ABCG5: variants seen among roughly 807,000 people sequenced by gnomAD.
The protein encoded by ABCG5 is ATP binding cassette subfamily G member 5.
A neutral mutation model predicts 64.5 loss-of-function variants in ABCG5; 64 were observed. The observed-to-expected ratio is 0.99, with a 90% confidence interval of 0.81 to 1.22. The LOEUF is 1.22. Ranked by LOEUF, ABCG5 falls within the 50% of genes most tolerant of loss-of-function variation. The pLI, the probability that ABCG5 is intolerant of heterozygous loss-of-function variation, is 0.00. For missense variants in ABCG5, 908 were observed against 829.5 expected (o/e 1.09, Z -1.16); for synonymous variants, 385 against 326.3 (o/e 1.18, Z -1.94).
Position 43,824,173 on chromosome 2 carries a change from G to T in ABCG5, c.1118+46C>A, listed in dbSNP as rs201653460. 6.6e-5 allele frequency: 107 copies of T among 1,613,940 alleles called. No homozygotes were observed. The African/African-American group carries it at 1.1e-3, about 17-fold the overall frequency. On this transcript the variant is annotated intron_variant, in intron 8 of 12. Transcript: ENST00000405322. Reference sequence around the variant, plus strand: ...TTTTCAGAATTGTTATTGGGGGATGGCTAAAGACCTCTAACAGGCATTTCT... The same window carrying T: ...TTTTCAGAATTGTTATTGGGGGATGTCTAAAGACCTCTAACAGGCATTTCT...
chr2:43,813,924 G>A (rs961968168), intron 12 of ABCG5, among the ~76,000 whole-genome samples: 5 of 151,396 alleles, frequency 3.3e-5, no homozygotes, highest in East Asian at 1.9e-4. Context: ...TTGCCACGTC[G>A]GCCAGGCTGG....
chr2:43,809,849 A>G, downstream of ABCG5: 1 of 1,512,976 alleles, frequency 6.6e-7, no homozygotes, highest in Non-Finnish European at 8.8e-7. Flanking sequence ...TTGTGGCAAT[A>G]TGTGAAGAAA....
intron 4 of ABCG5, among the ~76,000 whole-genome samples, chr2:43,828,783 C>T (rs111617668): frequency 0.072 from 10,967 of 152,000 alleles, 472 homozygotes; most frequent in African/African-American, 0.098. Context: ...CTAGCCAACA[C>T]GGTGAAACCC....
At position 43,822,904 on chromosome 2, in the gene ABCG5, C is replaced by G; in HGVS notation, c.1356G>C (p.Glu452Asp). The stretch of plus-strand genomic sequence containing the variant: ...ACTTCTGGTAGAGGCCGTCCTGACT[C>G]TCCTGGTCGCTGACAGCTCGCAGCA... ...FPVLRAVSDQ[E>D]SQDGLYQKWQ... The change falls in exon 10 of 13, where the codon GAG (glutamate) becomes GAC (aspartate). Residue 452 changes from glutamate (E) to aspartate (D), a missense_variant. By Grantham distance (45) the Glu-to-Asp change is conservative. Coordinates refer to ENST00000405322, the MANE Select transcript of ABCG5 (RefSeq NM_022436.3). 6.2e-7 allele frequency: 1 copy of G among 1,614,118 alleles called. No homozygotes were observed. The highest frequency in any genetic ancestry group is 1.1e-5 in the South Asian group (1 of 91,058).
At position 43,838,090 on chromosome 2, in the gene ABCG5, G is replaced by GA; in HGVS notation, c.144-136_144-135insT. ...AGGCTCCTAACGTGTTTCAGTCTCT[G>GA]CGCCCTCCTCTGTAGAACCTGGCAG... On this transcript the variant is annotated intron_variant, in intron 1 of 12. Transcript: ENST00000405322. The surrounding 1 kb of genome is among the most constrained non-coding windows in gnomAD (Gnocchi z 4.2). 1 of 1,222,500 alleles carries GA rather than the reference G, an allele frequency of 8.2e-7. No individual in the cohort carries two copies. Among genetic ancestry groups the GA allele is most frequent in the East Asian group, 2.5e-5 (1 of 39,876 alleles). The allele number at this position is 1,222,500 out of a possible 1,614,324, so 75.7% of individuals were successfully genotyped here. A position where few individuals can be genotyped will look rare whatever the true frequency, so the allele number is the denominator to read the frequency against.
upstream of ABCG5, chr2:43,838,978 G>A (rs1343828672): frequency 2.0e-6 from 3 of 1,464,732 alleles, no homozygotes; most frequent in Admixed American, 5.9e-5. The surrounding 1 kb of genome is among the most constrained non-coding windows in gnomAD (Gnocchi z 4.2). Flanking sequence ...AGGAAACAGA[G>A]TGAAGACACT....
chr2:43,822,687 G>A lies in ABCG5; in HGVS notation c.1463+110C>T, dbSNP rs577706949. 1.6e-5 allele frequency: 25 copies of A among 1,575,056 alleles called. No individual in the cohort carries two copies. The South Asian group carries it at 2.0e-4, about 12-fold the overall frequency. Reference sequence around the variant, plus strand: ...TGCACTAGACACTGATGGGCAAAGTGTAGATCCTCCAGAGCAGAGAACTTC... The same window carrying A: ...TGCACTAGACACTGATGGGCAAAGTATAGATCCTCCAGAGCAGAGAACTTC... On this transcript the variant is annotated intron_variant, in intron 10 of 12. Transcript: ENST00000405322.
rs397781046 is a variant in ABCG5 at position 43,822,477 on chromosome 2, G to GC, written c.1463+319_1463+320insG. The stretch of plus-strand genomic sequence containing the variant: ...TCAGGCTGCTTTCTCCCCTCCCCCA[G>GC]GCCCCCCCCCATGCACCTGGGTCCT... On this transcript the variant is annotated intron_variant, in intron 10 of 12. Transcript: ENST00000405322. 5.1e-3 allele frequency: 1,769 copies of GC among 349,218 alleles called. 33 individuals are homozygous for GC. Among genetic ancestry groups the GC allele is most frequent in the East Asian group, 0.033 (150 of 4,516 alleles). The allele number at this position is 349,218 out of a possible 1,614,324, so 21.6% of individuals were successfully genotyped here. A position where few individuals can be genotyped will look rare whatever the true frequency, so the allele number is the denominator to read the frequency against.
Position 43,837,766 on chromosome 2 carries a change from A to G in ABCG5, c.265+68T>C, listed in dbSNP as rs563298780. On this transcript the variant is annotated intron_variant, in intron 2 of 12. Coordinates refer to ENST00000405322, the MANE Select transcript of ABCG5 (RefSeq NM_022436.3). Reference sequence around the variant, plus strand: ...CCTGTGGCTTTCTTGTTACAACTTAATCTGTTTCTTCAATGTGGAGTTTAA... The same window carrying G: ...CCTGTGGCTTTCTTGTTACAACTTAGTCTGTTTCTTCAATGTGGAGTTTAA... The G allele has an allele frequency of 3.7e-6, 6 of 1,604,904 alleles. No homozygotes were observed. In the African/African-American group the frequency reaches 6.7e-5, roughly 18 times the overall value.
intron 9 of ABCG5, 72 bp from the exon 10 acceptor site, chr2:43,823,007 G>A: frequency 6.3e-7 from 1 of 1,586,058 alleles, no homozygotes; most frequent in South Asian, 1.1e-5. Context: ...AGCCCAAGCT[G>A]AATGTGAGGT....
chr2:43,824,084 C>A lies in ABCG5; in HGVS notation c.1153G>T (p.Ala385Ser). 1 of 1,614,222 alleles carries A rather than the reference C, an allele frequency of 6.2e-7. No individual in the cohort carries two copies. The highest frequency in any genetic ancestry group is 8.5e-7 in the Non-Finnish European group (1 of 1,180,040). ...VTRNLVRNKL[A>S]VITRLLQNLI... The stretch of plus-strand genomic sequence containing the variant: ...TTCTGAAGGAGACGCGTAATCACTG[C>A]CAGCTTATTTCTCACCAAGTTTCTT... The change falls in exon 9 of 13, where the codon GCA (alanine) becomes TCA (serine). Residue 385 changes from alanine to serine, a missense_variant. Transcript: ENST00000405322.
At chr2:43,823,789 C>T (rs1381429485) in intron 9 of ABCG5, 124 bp downstream of exon 9, 2 of 1,134,602 alleles carry the variant, frequency 1.8e-6, no homozygotes, top group Non-Finnish European at 2.5e-6. Flanking sequence ...AGAGAGGGAA[C>T]CTGGAGAGGG....
chr2:43,814,629 T>C (rs762852222), intron 11 of ABCG5, 40 bp from the exon 12 acceptor site: 2 of 1,181,794 alleles, frequency 1.7e-6, no homozygotes, highest in Middle Eastern at 2.2e-4. Flanking sequence ...CAGTAGGCTC[T>C]GGCAATAGTC....
At chr2:43,825,097 C>G (rs937763067) in intron 6 of ABCG5, 79 bp from the exon 7 acceptor site, 4 of 1,557,924 alleles carry the variant, frequency 2.6e-6, no homozygotes. Flanking sequence ...AACACTGATG[C>G]AGGGCCAAGG....
At chr2:43,815,299 ATTCT>A (rs1666745916) in intron 11 of ABCG5, among the ~76,000 whole-genome samples, 1 of 152,212 alleles carries the variant, frequency 6.6e-6, no homozygotes, top group African/African-American at 2.4e-5. Flanking sequence ...AAGGTATAAA[ATTCT>A]TTCTGTTTGC....
chr2:43,819,854 A>C, intron 11 of ABCG5, 61 bp downstream of exon 11: 1 of 1,559,012 alleles, frequency 6.4e-7, no homozygotes, highest in Non-Finnish European at 8.8e-7. Context: ...TTCAGTCATT[A>C]TTAGGTGATC....
At position 43,838,207 on chromosome 2, in the gene ABCG5, C is replaced by G; in HGVS notation, c.144-252G>C. The G allele has an allele frequency of 1.7e-6, 1 of 598,890 alleles. No homozygotes were observed. Among genetic ancestry groups the G allele is most frequent in the South Asian group, 2.0e-5 (1 of 50,684 alleles). 37.1% of individuals were successfully genotyped at this position (598,890 alleles called of 1,614,324 possible). ...CCGTTTGGCTGCGAGGTGGCTGTCCCTGCATTCTTTCACCAGGTTTCAAGA... is the reference window on the plus strand; with the variant it reads ...CCGTTTGGCTGCGAGGTGGCTGTCCGTGCATTCTTTCACCAGGTTTCAAGA... On this transcript the variant is annotated intron_variant, in intron 1 of 12. Transcript: ENST00000405322. This position sits in a 1 kb window ranked among gnomAD's most constrained non-coding sequence, Gnocchi z 4.2.
Position 43,831,955 on chromosome 2 carries a change from C to A in ABCG5, c.394G>T (p.Val132Phe). The A allele has an allele frequency of 6.5e-7, 1 of 1,549,990 alleles. No homozygotes were observed. Among genetic ancestry groups the A allele is most frequent in the Non-Finnish European group, 8.7e-7 (1 of 1,146,992 alleles). ...GTGGGGGACGCGCCCACCTGCAGGA[C>A]GTAGGAGAAGCAGTCCTGGAACTGC... is the stretch of plus-strand genomic sequence containing the variant. ...REQFQDCFSY[V>F]LQSDTLLSSL... The change falls in exon 3 of 13, where the codon GTC (valine) becomes TTC (phenylalanine). Residue 132 changes from valine (V) to phenylalanine (F), a missense_variant. Transcript: ENST00000405322.
At chr2:43,820,295 T>G (rs936954715) in intron 10 of ABCG5, among the ~76,000 whole-genome samples, 195 bp from the exon 11 acceptor site, 2 of 152,224 alleles carry the variant, frequency 1.3e-5, no homozygotes, top group Non-Finnish European at 1.5e-5. Context: ...TTGTTCCCAT[T>G]GGCTGCAACT....
Sources: gnomAD v4.1 joint callset for allele counts (sites outside exome capture counted in the v4.1 genomes callset) on GRCh38, gnomAD v4.1.1 for gene constraint, Gnocchi (gnomAD v3.1) non-coding constraint, MANE v1.5 for transcripts, NCBI Gene and HGNC (gene_info 2026-07-23, HGNC 2026-07-21) for gene names.